EBF1: variants seen among roughly 807,000 people sequenced by gnomAD.
The protein encoded by EBF1 is transcription factor COE1.
In EBF1, 10 loss-of-function variants were observed where a neutral mutation model predicts 68.4. The ratio of observed to expected loss-of-function variants is 0.15; its 90% CI spans 0.09 to 0.25. The LOEUF (loss-of-function observed/expected upper bound fraction) is 0.25, where lower values mean the gene tolerates loss of function less well. Ranked by LOEUF, EBF1 falls within the 10% of genes least tolerant of loss-of-function variation. The pLI is 1.00. For missense variants in EBF1, 509 were observed against 794.4 expected, an observed-to-expected ratio of 0.64 and a Z score of 4.32; for synonymous variants, 298 against 299.8, an observed-to-expected ratio of 0.99 and a Z score of 0.06.
chr5:158,895,698 C>T (rs1284208509), intron 6 of EBF1, among the ~76,000 whole-genome samples: 1 of 152,078 alleles, frequency 6.6e-6, no homozygotes, highest in Non-Finnish European at 1.5e-5. Context: ...AGTGACCTGG[C>T]CAAAGGAGAT....
intron 6 of EBF1, among the ~76,000 whole-genome samples, chr5:158,943,966 G>T (rs980224765): frequency 1.4e-4 from 22 of 152,180 alleles, no homozygotes; most frequent in African/African-American, 5.1e-4. Context: ...ACTGAGCCCG[G>T]ACTGCGCCTT....
At chr5:158,827,761 T>A (rs547904717) in intron 7 of EBF1, among the ~76,000 whole-genome samples, 2 of 152,246 alleles carry the variant, frequency 1.3e-5, no homozygotes, top group East Asian at 3.9e-4. Context: ...AAAGTAGCAG[T>A]TTGTGGGGAA....
chr5:158,840,273 G>C, intron 6 of EBF1, 163 bp from the exon 7 acceptor site: 3 of 599,734 alleles, frequency 5.0e-6, no homozygotes, highest in Non-Finnish European at 5.9e-6. Context: ...TTTAGCCTTT[G>C]TTTTGTTTCC....
intron 6 of EBF1, among the ~76,000 whole-genome samples, chr5:158,942,342 A>C (rs1176272301): frequency 6.6e-6 from 1 of 152,228 alleles, no homozygotes; most frequent in Non-Finnish European, 1.5e-5. Context: ...ACCTGCATTC[A>C]ATCCTAGTTC....
chr5:158,893,488 C>T (rs1404850083), intron 6 of EBF1, among the ~76,000 whole-genome samples: 1 of 152,194 alleles, frequency 6.6e-6, no homozygotes, highest in Non-Finnish European at 1.5e-5. Flanking sequence ...AAGGGGCAAT[C>T]TTACTTCTCT....
At chr5:159,056,935 C>T (rs776550959) in intron 6 of EBF1, among the ~76,000 whole-genome samples, 1 of 152,032 alleles carries the variant, frequency 6.6e-6, no homozygotes, top group Non-Finnish European at 1.5e-5. Context: ...CAAACAAAAA[C>T]AAAAATTGCA....
In EBF1 at chr5:158,739,631, C is replaced by A. The variant is rs569361293; in HGVS notation, c.1037-8474G>T. Among the ~76,000 whole-genome samples the A allele has an allele frequency of 2.6e-5, 4 of 152,114 alleles. No homozygotes were observed. In the South Asian group the frequency reaches 6.2e-4, roughly 24 times the overall value. Reference sequence around the variant, plus strand: ...ATTTCCACTTTGTAATGGATGATGGCGTTTAAATATTGGAGACCAACATAT... The same window carrying A: ...ATTTCCACTTTGTAATGGATGATGGAGTTTAAATATTGGAGACCAACATAT... On this transcript the variant is annotated intron_variant, in intron 10 of 15. Coordinates refer to ENST00000313708, the MANE Select transcript of EBF1 (RefSeq NM_024007.5).
At chr5:158,739,730 G>C (rs1765910960) in intron 10 of EBF1, among the ~76,000 whole-genome samples, 1 of 152,146 alleles carries the variant, frequency 6.6e-6, no homozygotes. Context: ...TATAACAAGA[G>C]TAATATTACT....
At chr5:159,094,562 T>C (rs548290846) in intron 4 of EBF1, among the ~76,000 whole-genome samples, 21 of 152,292 alleles carry the variant, frequency 1.4e-4, no homozygotes, top group African/African-American at 4.1e-4. Flanking sequence ...AAAATAATTT[T>C]TAAATATGCA....
intron 9 of EBF1, among the ~76,000 whole-genome samples, chr5:158,788,721 T>C (rs185363974): frequency 6.6e-6 from 1 of 152,180 alleles, no homozygotes; most frequent in Non-Finnish European, 1.5e-5. Flanking sequence ...CTGTCATTGA[T>C]TCATATGAAA....
At chr5:158,890,089 A>G (rs111636756) in intron 6 of EBF1, among the ~76,000 whole-genome samples, 1 of 152,184 alleles carries the variant, frequency 6.6e-6, no homozygotes, top group African/African-American at 2.4e-5. Flanking sequence ...CGGAAGGACA[A>G]CTATAATAAT....
At chr5:158,701,419 C>CTAGAT (rs1451528408) in intron 15 of EBF1, among the ~76,000 whole-genome samples, 3 of 151,352 alleles carry the variant, frequency 2.0e-5, no homozygotes, top group African/African-American at 4.9e-5. Context: ...GTTAGATCAA[C>CTAGAT]TAGATTAAGC....
intron 6 of EBF1, among the ~76,000 whole-genome samples, chr5:159,047,102 CA>C (rs1772569654): frequency 6.6e-6 from 1 of 152,194 alleles, no homozygotes; most frequent in Non-Finnish European, 1.5e-5. Context: ...AGTAAACAAA[CA>C]ACCACAGCTC....
chr5:158,834,270 C>T (rs1024547704), intron 7 of EBF1, among the ~76,000 whole-genome samples: 2 of 152,118 alleles, frequency 1.3e-5, no homozygotes, highest in African/African-American at 4.8e-5. Flanking sequence ...TTAACATAGT[C>T]CTTTGACATT....
intron 6 of EBF1, among the ~76,000 whole-genome samples, chr5:158,962,662 T>C (rs1410910790): frequency 1.3e-5 from 2 of 152,224 alleles, no homozygotes; most frequent in African/African-American, 2.4e-5. Context: ...GTAAATACTT[T>C]TTAAAGCCTA....
At chr5:158,965,739 T>A (rs1395410781) in intron 6 of EBF1, among the ~76,000 whole-genome samples, 1 of 152,234 alleles carries the variant, frequency 6.6e-6, no homozygotes, top group Non-Finnish European at 1.5e-5. Context: ...GACCCATATG[T>A]AAATTTCACA....
intron 6 of EBF1, among the ~76,000 whole-genome samples, chr5:158,990,344 A>G (rs1308142088): frequency 3.3e-5 from 5 of 152,214 alleles, no homozygotes; most frequent in Non-Finnish European, 5.9e-5. Flanking sequence ...TCTTCACTGG[A>G]GAAAGGCATA....
intron 6 of EBF1, among the ~76,000 whole-genome samples, chr5:158,870,449 C>A (rs1227463046): frequency 6.6e-6 from 1 of 152,098 alleles, no homozygotes; most frequent in Non-Finnish European, 1.5e-5. Context: ...TTTAGGAGGT[C>A]AAGGCAGGAA....
chr5:158,713,926 A>C (rs1486817126), intron 12 of EBF1, among the ~76,000 whole-genome samples, 191 bp downstream of exon 12: 1 of 152,260 alleles, frequency 6.6e-6, no homozygotes, highest in Non-Finnish European at 1.5e-5. Context: ...AAAATGATTC[A>C]GTGGAAAGGG....
Sources: gnomAD v4.1 joint callset for allele counts (sites outside exome capture counted in the v4.1 genomes callset) on GRCh38, gnomAD v4.1.1 for gene constraint, MANE v1.5 for transcripts, NCBI Gene and HGNC (gene_info 2026-07-23, HGNC 2026-07-21) for gene names.